ABCA4: variants seen among roughly 807,000 people sequenced by gnomAD.
ABCA4 encodes the protein ATP binding cassette subfamily A member 4.
Under a neutral mutation model 263.7 loss-of-function variants are expected in ABCA4, and 196 were observed. That is an observed-to-expected ratio of 0.74 (90% CI 0.66 to 0.84). The LOEUF is 0.84. ABCA4 is among the 40% of genes least tolerant of loss of function. The probability of loss-of-function intolerance (pLI) is 0.00; values close to 1 mark genes in which losing one functional copy is unlikely to be tolerated. For missense variants in ABCA4, 2,792 were observed against 2,855.1 expected (o/e 0.98, Z 0.50); for synonymous variants, 1,133 against 1,094.2 (o/e 1.04, Z -0.70).
chr1:94,107,380 C>T (rs1291824486), intron 4 of ABCA4, among the ~76,000 whole-genome samples: 7 of 152,332 alleles, frequency 4.6e-5, no homozygotes, highest in South Asian at 2.1e-4. Context: ...TACTTCCTCA[C>T]GACCACTCTT....
intron 30 of ABCA4, among the ~76,000 whole-genome samples, chr1:94,026,466 A>C (rs1203625470): frequency 1.3e-5 from 2 of 152,142 alleles, no homozygotes; most frequent in African/African-American, 4.8e-5. Flanking sequence ...CTGGGCTGCA[A>C]ACTTGCAGGT....
At chr1:94,025,421 G>C (rs1660013547) in intron 30 of ABCA4, 4 of 376,540 alleles carry the variant, frequency 1.1e-5, no homozygotes, top group Non-Finnish European at 2.0e-5. Context: ...CCAGCAGCCA[G>C]CTTGAACTAT....
rs769125527 is a variant in ABCA4 at position 94,001,958 on chromosome 1, G to C, written c.6182C>G (p.Thr2061Ser). Residue 2061 changes from threonine to serine, a missense_variant, in exon 45 of 50, where the codon ACT becomes AGT. Transcript: ENST00000370225. The stretch of plus-strand genomic sequence containing the variant: ...GCCAGCCAGGCAGTCGGCGTAGACA[G>C]TCAGGCCCAGGCTCTTAATACTCCA... The part of the protein sequence containing the change: ...ANWSIKSLGL[T>S]VYADCLAGTY... The C allele has an allele frequency of 1.9e-6, 3 of 1,614,220 alleles. No homozygotes were observed. Among genetic ancestry groups the C allele is most frequent in the Non-Finnish European group, 1.7e-6 (2 of 1,180,040 alleles).
At chr1:94,047,686 G>C (rs1452941304) in intron 18 of ABCA4, among the ~76,000 whole-genome samples, 1 of 152,120 alleles carries the variant, frequency 6.6e-6, no homozygotes, top group East Asian at 1.9e-4. Flanking sequence ...TTGAATCTTT[G>C]AGTTGACTTT....
chr1:94,041,507 G>T, intron 22 of ABCA4, 105 bp from the exon 23 acceptor site: 3 of 1,186,620 alleles, frequency 2.5e-6, no homozygotes, highest in Non-Finnish European at 3.5e-6. Flanking sequence ...AAAATCAGGA[G>T]TTAACTAAAA....
At chr1:94,099,019 A>G (rs1335483406) in intron 5 of ABCA4, 28 bp from the exon 6 acceptor site, 2 of 1,591,600 alleles carry the variant, frequency 1.3e-6, no homozygotes. Flanking sequence ...AACACTAGAA[A>G]CTGCCCTGTG....
Position 94,047,217 on chromosome 1 carries a change from C to T in ABCA4, c.2744-124G>A, listed in dbSNP as rs77305056. The T allele has an allele frequency of 4.4e-3, 4,667 of 1,058,752 alleles. 134 individuals carry two copies. In the African/African-American group the frequency reaches 0.062, roughly 14 times the overall value. The allele number at this position is 1,058,752 out of a possible 1,614,324, so 65.6% of individuals were successfully genotyped here. ...CTGCCCCTGTGGCTTCGGCTATCACCGTTGCAAGGAAGACTCCAGAATAAT... is the reference window on the plus strand; with the variant it reads ...CTGCCCCTGTGGCTTCGGCTATCACTGTTGCAAGGAAGACTCCAGAATAAT... On this transcript the variant is annotated intron_variant, in intron 18 of 49. Coordinates refer to ENST00000370225, the MANE Select transcript of ABCA4 (RefSeq NM_000350.3).
intron 15 of ABCA4, among the ~76,000 whole-genome samples, chr1:94,055,675 C>T (rs1448631370): frequency 2.0e-5 from 3 of 152,206 alleles, no homozygotes; most frequent in African/African-American, 7.2e-5. Context: ...CCAACTCTGC[C>T]CACAGATGAG....
chr1:94,097,634 A>G (rs971955784), intron 6 of ABCA4, among the ~76,000 whole-genome samples: 1 of 152,236 alleles, frequency 6.6e-6, no homozygotes, highest in Non-Finnish European at 1.5e-5. Context: ...GAATCGCCTA[A>G]GGTAACAGGA....
rs376661644 is a variant in ABCA4, at chr1:94,017,766, A to T, written c.5196+1816T>A. On this transcript the variant is annotated intron_variant, in intron 36 of 49. Coordinates refer to ENST00000370225, the MANE Select transcript of ABCA4 (RefSeq NM_000350.3). ...AAGAGAGAAATAAATGAGAAGGGGCATCTTGCTGAGAAGTTACTTTCAAAT... is the reference window on the plus strand; with the variant it reads ...AAGAGAGAAATAAATGAGAAGGGGCTTCTTGCTGAGAAGTTACTTTCAAAT... 1.3e-4 allele frequency among the ~76,000 whole-genome samples: 20 copies of T among 152,298 alleles called. 1 individual carries two copies. Among genetic ancestry groups the T allele is most frequent in the East Asian group, 7.7e-4 (4 of 5,186 alleles).
chr1:94,043,419 T>C lies in ABCA4; in HGVS notation c.3107A>G (p.Glu1036Gly). The C allele has an allele frequency of 6.2e-7, 1 of 1,614,136 alleles. No individual in the cohort carries two copies. The highest frequency in any genetic ancestry group is 8.5e-7 in the Non-Finnish European group (1 of 1,180,034). Residue 1036 changes from glutamate (E) to glycine (G), a missense_variant, in exon 21 of 50, where the codon GAG (glutamate) becomes GGG (glycine). By Grantham distance (98) the Glu-to-Gly change is moderately conservative. Coordinates refer to ENST00000370225, the MANE Select transcript of ABCA4 (RefSeq NM_000350.3). ...FYAQLKGKSQ[E>G]EAQLEMEAML... ...GGCTTCCATCTCCAGCTGGGCCTCC[T>C]CCTGGGACTTTCCTTTCAGCTGGGC...
chr1:94,012,659 C>T (rs1244286456), intron 38 of ABCA4, among the ~76,000 whole-genome samples: 1 of 152,252 alleles, frequency 6.6e-6, no homozygotes, highest in African/African-American at 2.4e-5. Context: ...GCTCCCCCAG[C>T]CCCTGCAGCC....
At chr1:94,054,524 G>A (rs566927) in intron 16 of ABCA4, among the ~76,000 whole-genome samples, 53,061 of 152,114 alleles carry the variant, frequency 0.35, 11,487 homozygotes, top group Non-Finnish European at 0.49. Context: ...TATGAGGGGC[G>A]GGTTGCAGGT....
chr1:94,085,351 T>G (rs1200657431), intron 6 of ABCA4, among the ~76,000 whole-genome samples: 4 of 152,254 alleles, frequency 2.6e-5, no homozygotes, highest in African/African-American at 9.6e-5. Context: ...ACTTTCATAC[T>G]TTTTTCCTAC....
chr1:94,079,321 C>T lies in ABCA4; in HGVS notation c.1239+1G>A. On this transcript the variant is annotated splice_donor_variant, in intron 9 of 49. Coordinates refer to ENST00000370225, the MANE Select transcript of ABCA4 (RefSeq NM_000350.3). LOFTEE classifies it high-confidence loss of function. The stretch of plus-strand genomic sequence containing the variant: ...CAAGGCAAGCCCAGCTGGGATCTTA[C>T]ATTCTTCAGTATCCTTCGTGCTGCA... 6.2e-7 allele frequency: 1 copy of T among 1,614,186 alleles called. No individual in the cohort carries two copies. The highest frequency in any genetic ancestry group is 8.5e-7 in the Non-Finnish European group (1 of 1,180,018).
chr1:94,008,949 C>G, intron 40 of ABCA4, 78 bp from the exon 41 acceptor site: 1 of 1,579,982 alleles, frequency 6.3e-7, no homozygotes, highest in Non-Finnish European at 8.6e-7. Context: ...GACCTCTCTT[C>G]CACTTCCTTG....
At chr1:94,051,486 C>T (rs1660837698) in intron 17 of ABCA4, 147 bp downstream of exon 17, 3 of 740,380 alleles carry the variant, frequency 4.1e-6, no homozygotes, top group Middle Eastern at 2.3e-4. Flanking sequence ...CTGCAATGCC[C>T]ATCAAGGGGC....
intron 6 of ABCA4, among the ~76,000 whole-genome samples, chr1:94,087,149 T>C (rs1480282176): frequency 4.6e-5 from 7 of 152,238 alleles, no homozygotes; most frequent in Non-Finnish European, 1.0e-4. Flanking sequence ...AATGCCATCA[T>C]CTTGGGGATG....
chr1:94,119,531 G>C lies in ABCA4; in HGVS notation c.66+1449C>G, dbSNP rs572138526. Among the ~76,000 whole-genome samples the C allele has an allele frequency of 6.7e-4, 102 of 152,256 alleles. 2 individuals are homozygous for C. Among genetic ancestry groups the C allele is most frequent in the African/African-American group, 2.2e-3 (91 of 41,550 alleles). On this transcript the variant is annotated intron_variant, in intron 1 of 49. Transcript: ENST00000370225. ...CCAGGGCTTTCTCCTCAGGGGTCCA[G>C]ACCCGAGGTCAGGTTCAGAGATCCA...
Sources: gnomAD v4.1 joint callset for allele counts (sites outside exome capture counted in the v4.1 genomes callset) on GRCh38, gnomAD v4.1.1 for gene constraint, MANE v1.5 for transcripts, NCBI Gene and HGNC (gene_info 2026-07-23, HGNC 2026-07-21) for gene names.